DCC: variants seen among roughly 807,000 people sequenced by gnomAD.
The protein encoded by DCC is netrin receptor DCC.
DCC carries 58 observed loss-of-function variants against 172.5 expected under a neutral mutation model. The observed-to-expected ratio is 0.34, with a 90% confidence interval of 0.27 to 0.42. The LOEUF (loss-of-function observed/expected upper bound fraction) is 0.42. Ranked by LOEUF, DCC falls within the 10% of genes least tolerant of loss-of-function variation. The probability of loss-of-function intolerance (pLI) is 1.00; values close to 1 mark genes in which losing one functional copy is unlikely to be tolerated. For synonymous variants in DCC, 709 were observed against 644.5 expected, an observed-to-expected ratio of 1.10 and a Z score of -1.52; for missense variants, 1,740 against 1,791.0, an observed-to-expected ratio of 0.97 and a Z score of 0.51.
At chr18:52,533,667 C>T (rs2032212525) in intron 1 of DCC, among the ~76,000 whole-genome samples, 2 of 152,066 alleles carry the variant, frequency 1.3e-5, no homozygotes, top group African/African-American at 4.8e-5. Flanking sequence ...GATTTCAGGT[C>T]TTTGGCTATT....
At chr18:52,374,354 G>C (rs1372951064) in intron 1 of DCC, among the ~76,000 whole-genome samples, 2 of 152,034 alleles carry the variant, frequency 1.3e-5, no homozygotes, top group Non-Finnish European at 2.9e-5. Flanking sequence ...AAAGTTGTTG[G>C]ACACTTTTAT....
intron 2 of DCC, among the ~76,000 whole-genome samples, chr18:52,786,164 C>T (rs1265744161): frequency 6.6e-5 from 10 of 152,024 alleles, no homozygotes; most frequent in Admixed American, 6.6e-4. Context: ...CTATGAAGTT[C>T]CTTGGTTTTA....
At position 53,229,918 on chromosome 18, in the gene DCC, C is replaced by T. The variant is rs575076207; in HGVS notation, c.1911+14321C>T. ...CAAATTTGGTTATGAGACTATAAGCCTTTATTTTCTTCCAATTCCTTGGAA... is the reference window on the plus strand; with the variant it reads ...CAAATTTGGTTATGAGACTATAAGCTTTTATTTTCTTCCAATTCCTTGGAA... On this transcript the variant is annotated intron_variant, in intron 12 of 28. Coordinates refer to ENST00000442544, the MANE Select transcript of DCC (RefSeq NM_005215.4). 2.0e-5 allele frequency among the ~76,000 whole-genome samples: 3 copies of T among 152,174 alleles called. No individual in the cohort carries two copies. The South Asian group carries it at 6.2e-4, about 32-fold the overall frequency.
chr18:52,461,092 A>C (rs945931806), intron 1 of DCC, among the ~76,000 whole-genome samples: 1 of 152,206 alleles, frequency 6.6e-6, no homozygotes, highest in African/African-American at 2.4e-5. Context: ...CATTGTACAA[A>C]AATATTTTTA....
Position 52,394,953 on chromosome 18 carries a change from T to A in DCC, c.91+54075T>A, listed in dbSNP as rs545988383. Reference sequence around the variant, plus strand: ...TGGCAACTCACTTTGAGAAAGAGACTATTTCCCGTTCCAAGTCCCAGACAC... The same window carrying A: ...TGGCAACTCACTTTGAGAAAGAGACAATTTCCCGTTCCAAGTCCCAGACAC... On this transcript the variant is annotated intron_variant, in intron 1 of 28. Coordinates refer to ENST00000442544, the MANE Select transcript of DCC (RefSeq NM_005215.4). Among the ~76,000 whole-genome samples the A allele has an allele frequency of 1.0e-3, 159 of 152,196 alleles. 1 individual carries two copies. The highest frequency in any genetic ancestry group is 1.2e-3 in the Non-Finnish European group (80 of 67,982).
At chr18:52,566,371 G>T (rs1478672268) in intron 1 of DCC, among the ~76,000 whole-genome samples, 1 of 152,072 alleles carries the variant, frequency 6.6e-6, no homozygotes, top group Non-Finnish European at 1.5e-5. Flanking sequence ...CCTATCAGGG[G>T]TTGGGAGGCT....
intron 7 of DCC, among the ~76,000 whole-genome samples, chr18:53,099,955 T>C (rs1417502790): frequency 1.5e-5 from 2 of 132,808 alleles, no homozygotes; most frequent in Non-Finnish European, 3.2e-5. Flanking sequence ...TTTTTTTTTT[T>C]TTTTTGTTTG....
chr18:53,334,285 T>C (rs1308518824), intron 14 of DCC, among the ~76,000 whole-genome samples: 1 of 152,168 alleles, frequency 6.6e-6, no homozygotes, highest in Non-Finnish European at 1.5e-5. Flanking sequence ...GTCAAGACCA[T>C]TTAAGATCTT....
chr18:53,402,654 A>T, intron 18 of DCC, 132 bp from the exon 19 acceptor site: 1 of 761,148 alleles, frequency 1.3e-6, no homozygotes, highest in Non-Finnish European at 2.4e-6. Context: ...CTTGAAATAA[A>T]CTGTAAATGG....
chr18:52,864,352 T>A (rs1341186865), intron 2 of DCC, among the ~76,000 whole-genome samples: 1 of 152,160 alleles, frequency 6.6e-6, no homozygotes, highest in Non-Finnish European at 1.5e-5. Flanking sequence ...TAACATAAAA[T>A]CATAAGAATT....
chr18:53,341,581 G>A (rs973587952), intron 15 of DCC, among the ~76,000 whole-genome samples: 1 of 152,090 alleles, frequency 6.6e-6, no homozygotes, highest in Non-Finnish European at 1.5e-5. Flanking sequence ...ACATAGATAG[G>A]TATGTAAGTT....
At chr18:53,159,109 G>C (rs1034350128) in intron 8 of DCC, among the ~76,000 whole-genome samples, 3 of 151,702 alleles carry the variant, frequency 2.0e-5, no homozygotes, top group African/African-American at 7.3e-5. Flanking sequence ...AACTATTTGT[G>C]ATCTTACGAT....
At chr18:53,255,313 C>T (rs976720174) in intron 12 of DCC, among the ~76,000 whole-genome samples, 4 of 150,718 alleles carry the variant, frequency 2.7e-5, no homozygotes, top group Admixed American at 2.0e-4. Context: ...GTGCTGCACC[C>T]ATTAACTCTT....
chr18:52,868,033 GTATATATA>G (rs1555675493), intron 2 of DCC, among the ~76,000 whole-genome samples: 1 of 120,430 alleles, frequency 8.3e-6, no homozygotes, highest in African/African-American at 2.8e-5. Context: ...GTGTATGTGT[GTATATATA>G]TATATATATA....
intron 1 of DCC, among the ~76,000 whole-genome samples, chr18:52,625,117 A>T (rs545451151): frequency 6.6e-6 from 1 of 152,264 alleles, no homozygotes; most frequent in East Asian, 1.9e-4. Context: ...GCGTATCTAA[A>T]CATATCTAAA....
At chr18:52,860,413 T>G (rs2039122495) in intron 2 of DCC, among the ~76,000 whole-genome samples, 1 of 152,214 alleles carries the variant, frequency 6.6e-6, no homozygotes, top group Admixed American at 6.5e-5. Context: ...GAGAAAAATT[T>G]GAAAACATTA....
intron 1 of DCC, among the ~76,000 whole-genome samples, chr18:52,541,897 G>GTATATATATATATATATATATATA (rs1330162034): frequency 6.9e-5 from 3 of 43,456 alleles, no homozygotes; most frequent in South Asian, 4.8e-4. Context: ...ATATATATAT[G>GTATATATATATATATATATATATA]TGTATATATA....
intron 1 of DCC, among the ~76,000 whole-genome samples, chr18:52,721,112 G>A (rs2036467292): frequency 6.6e-6 from 1 of 152,144 alleles, no homozygotes; most frequent in African/African-American, 2.4e-5. Flanking sequence ...GAGGTGGGCT[G>A]GGGCAGAGAA....
intron 2 of DCC, among the ~76,000 whole-genome samples, chr18:52,862,160 A>G (rs2039153764): frequency 6.6e-6 from 1 of 152,152 alleles, no homozygotes; most frequent in Admixed American, 6.5e-5. Flanking sequence ...TTTCCATATG[A>G]TTTTTACATA....
Sources: gnomAD v4.1 joint callset for allele counts (sites outside exome capture counted in the v4.1 genomes callset) on GRCh38, gnomAD v4.1.1 for gene constraint, MANE v1.5 for transcripts, NCBI Gene and HGNC (gene_info 2026-07-23, HGNC 2026-07-21) for gene names.